Variants in DPP10 observed in about 807,000 individuals in gnomAD.
The protein encoded by DPP10 is dipeptidyl peptidase like 10.
DPP10 carries 33 observed loss-of-function variants against 120.9 expected under a neutral mutation model. The observed-to-expected ratio is 0.27, with a 90% CI of 0.21 to 0.37. The LOEUF is 0.37. Ranked by LOEUF, DPP10 falls within the 10% of genes least tolerant of loss-of-function variation. The probability of loss-of-function intolerance (pLI) is 1.00; values close to 1 mark genes in which losing one functional copy is unlikely to be tolerated. For synonymous variants in DPP10, 337 were observed against 326.1 expected (o/e 1.03, Z -0.36); for missense variants, 816 against 942.8 (o/e 0.87, Z 1.76).
chr2:115,839,346 T>G (rs1689845771), intron 24 of DPP10, among the ~76,000 whole-genome samples: 2 of 152,182 alleles, frequency 1.3e-5, no homozygotes. Flanking sequence ...CTTAAACTAT[T>G]GATAAGGCTG....
At chr2:115,665,290 G>T (rs890263042) in intron 5 of DPP10, among the ~76,000 whole-genome samples, 1 of 152,126 alleles carries the variant, frequency 6.6e-6, no homozygotes, top group South Asian at 2.1e-4. Context: ...ATCACAACTT[G>T]TTTGTCAAAG....
At chr2:115,634,579 C>G (rs1237393884) in intron 5 of DPP10, among the ~76,000 whole-genome samples, 1 of 152,162 alleles carries the variant, frequency 6.6e-6, no homozygotes, top group Non-Finnish European at 1.5e-5. Flanking sequence ...AGATGGCTGC[C>G]TTTTCTTTCC....
intron 3 of DPP10, among the ~76,000 whole-genome samples, chr2:115,438,758 G>C (rs2071742505): frequency 6.6e-6 from 1 of 150,670 alleles, no homozygotes; most frequent in South Asian, 2.1e-4. Context: ...TGGAATAGTG[G>C]CTAAGATGGT....
At chr2:114,993,578 G>GTATATATA (rs1384073454) in intron 1 of DPP10, among the ~76,000 whole-genome samples, 2,373 of 88,922 alleles carry the variant, frequency 0.027, 35 homozygotes, top group South Asian at 0.035. Context: ...GTGTGTGTGT[G>GTATATATA]TGTATATATA....
intron 1 of DPP10, among the ~76,000 whole-genome samples, chr2:114,951,374 G>A (rs199995887): frequency 1.3e-3 from 195 of 152,212 alleles, no homozygotes; most frequent in Non-Finnish European, 2.4e-3. Flanking sequence ...AGAACTGAGC[G>A]ACAAAAAGAC....
At chr2:115,722,507 AC>A (rs1158091855) in intron 7 of DPP10, among the ~76,000 whole-genome samples, 1 of 151,936 alleles carries the variant, frequency 6.6e-6, no homozygotes, top group Non-Finnish European at 1.5e-5. Context: ...ATCTATACAC[AC>A]CTATTTTGTA....
chr2:115,771,056 GTATTTATTTATT>G (rs5833633), intron 13 of DPP10, among the ~76,000 whole-genome samples: 26 of 149,090 alleles, frequency 1.7e-4, no homozygotes, highest in African/African-American at 5.4e-4. Flanking sequence ...ATACTGTACT[GTATTTATTTATT>G]TATTTATTTA....
intron 1 of DPP10, among the ~76,000 whole-genome samples, chr2:114,986,802 A>C (rs1302824893): frequency 1.3e-5 from 2 of 151,954 alleles, no homozygotes; most frequent in Admixed American, 6.6e-5. Context: ...ATGGAGTCTC[A>C]CTCTGTCGCC....
chr2:114,920,009 T>C (rs1409585106), intron 1 of DPP10, among the ~76,000 whole-genome samples: 2 of 152,182 alleles, frequency 1.3e-5, no homozygotes, highest in East Asian at 1.9e-4. Flanking sequence ...ACTCCTCTTA[T>C]TTAGTCACAT....
chr2:115,043,681 A>G (rs796098615), intron 1 of DPP10, among the ~76,000 whole-genome samples: 2 of 152,286 alleles, frequency 1.3e-5, no homozygotes, highest in African/African-American at 4.8e-5. Context: ...CAAGTCAAAC[A>G]TCATGAAGGA....
At chr2:115,668,873 G>T (rs750227422) in intron 5 of DPP10, among the ~76,000 whole-genome samples, 1 of 152,092 alleles carries the variant, frequency 6.6e-6, no homozygotes, top group Non-Finnish European at 1.5e-5. Context: ...GCCTTAGGTA[G>T]GAAAGTATGT....
chr2:114,734,266 A>T (rs1166236586), intron 1 of DPP10, among the ~76,000 whole-genome samples: 1 of 152,052 alleles, frequency 6.6e-6, no homozygotes, highest in African/African-American at 2.4e-5. Flanking sequence ...GCACCCTTTT[A>T]GGTCCCATAA....
chr2:115,312,739 C>T (rs1574386020), intron 2 of DPP10, among the ~76,000 whole-genome samples: 1 of 152,118 alleles, frequency 6.6e-6, no homozygotes, highest in African/African-American at 2.4e-5. Context: ...AGCATCATCC[C>T]TCTGATCTTC....
intron 1 of DPP10, among the ~76,000 whole-genome samples, chr2:115,074,004 C>A (rs1573512023): frequency 6.6e-6 from 1 of 152,238 alleles, no homozygotes; most frequent in East Asian, 1.9e-4. Context: ...ATTTTTAAGA[C>A]AGAAAAATGA....
Position 115,525,832 on chromosome 2 carries a change from C to A in DPP10, c.367-66C>A, listed in dbSNP as rs530197042. 1.8e-5 allele frequency: 22 copies of A among 1,211,056 alleles called. No homozygotes were observed. In the African/African-American group the frequency reaches 2.5e-4, roughly 14 times the overall value. The allele number at this position is 1,211,056 out of a possible 1,614,324, so 75.0% of individuals were successfully genotyped here. On this transcript the variant is annotated intron_variant, in intron 4 of 25. Transcript: ENST00000410059. The stretch of plus-strand genomic sequence containing the variant: ...TGCTATGAAAATTGATTTTTTTTTA[C>A]ATTTATACATCCAAATTCATGTTAA...
At chr2:114,969,101 A>G (rs1248094108) in intron 1 of DPP10, among the ~76,000 whole-genome samples, 1 of 152,164 alleles carries the variant, frequency 6.6e-6, no homozygotes, top group Admixed American at 6.5e-5. Flanking sequence ...CTTTTTATTT[A>G]TTGTTGGTAG....
intron 1 of DPP10, among the ~76,000 whole-genome samples, chr2:114,633,743 A>G (rs1443290669): frequency 1.3e-5 from 2 of 151,594 alleles, no homozygotes; most frequent in African/African-American, 2.4e-5. Context: ...CCTCCCGATT[A>G]GCTGGATTAC....
rs1237270180 is a variant in DPP10, at chr2:115,475,592, A to G, written c.272-23918A>G. ...GTGGAGCTGTGAGAAGAGGGCCACC[A>G]TCCTTTAAACCCCAGAATGGTAGAT... On this transcript the variant is annotated intron_variant, in intron 3 of 25. Transcript: ENST00000410059. Among the ~76,000 whole-genome samples the G allele has an allele frequency of 2.0e-5, 3 of 152,174 alleles. No homozygotes were observed. The East Asian group carries it at 5.8e-4, about 29-fold the overall frequency.
intron 3 of DPP10, among the ~76,000 whole-genome samples, chr2:115,490,496 G>C (rs1007880545): frequency 6.6e-6 from 1 of 151,986 alleles, no homozygotes; most frequent in Non-Finnish European, 1.5e-5. Flanking sequence ...CCATATCAAT[G>C]GTTTTACCTA....
Sources: allele counts gnomAD v4.1 joint callset (sites outside exome capture counted in the v4.1 genomes callset), GRCh38; gene constraint gnomAD v4.1.1; transcripts MANE v1.5; gene names NCBI Gene and HGNC (gene_info 2026-07-23, HGNC 2026-07-21).